Variants in GLI3 observed in about 807,000 individuals in gnomAD.
The protein encoded by GLI3 is GLI family zinc finger 3.
In GLI3, 20 loss-of-function variants were observed where a neutral mutation model predicts 100.8. The observed-to-expected ratio is 0.20, with a 90% CI of 0.14 to 0.29. GLI3 has a LOEUF of 0.29. Ranked by LOEUF, GLI3 falls within the 10% of genes least tolerant of loss-of-function variation. The pLI is 1.00. For missense variants in GLI3, 2,040 were observed against 2,128.5 expected (o/e 0.96, Z 0.82); for synonymous variants, 938 against 860.5 (o/e 1.09, Z -1.58).
At chr7:42,046,928 G>C (rs1297279212) in intron 5 of GLI3, among the ~76,000 whole-genome samples, 1 of 152,124 alleles carries the variant, frequency 6.6e-6, no homozygotes, top group Non-Finnish European at 1.5e-5. Flanking sequence ...GGTAGAGGTG[G>C]GTAGATCGCT....
chr7:42,117,585 C>T (rs1785891191), intron 3 of GLI3, among the ~76,000 whole-genome samples: 1 of 152,150 alleles, frequency 6.6e-6, no homozygotes, highest in Non-Finnish European at 1.5e-5. Context: ...GGAGAGAAGA[C>T]ATTGAGAACT....
intron 3 of GLI3, among the ~76,000 whole-genome samples, chr7:42,133,911 G>GT (rs1554332364): frequency 1.3e-5 from 2 of 151,870 alleles, no homozygotes; most frequent in Non-Finnish European, 2.9e-5. Flanking sequence ...GTGAAACACC[G>GT]TATCTACTAT....
intron 7 of GLI3, among the ~76,000 whole-genome samples, chr7:42,031,419 G>T (rs1436005869): frequency 6.6e-6 from 1 of 152,160 alleles, no homozygotes; most frequent in Non-Finnish European, 1.5e-5. Context: ...CTCCTGAGGT[G>T]AGTAAGTGTA....
intron 2 of GLI3, among the ~76,000 whole-genome samples, chr7:42,213,830 T>C (rs1205629908): frequency 6.6e-6 from 1 of 152,238 alleles, no homozygotes; most frequent in Non-Finnish European, 1.5e-5. Flanking sequence ...TCAACCTTAG[T>C]TGTGTCATAT....
intron 9 of GLI3, 137 bp from the exon 10 acceptor site, chr7:42,023,745 T>C: frequency 1.4e-6 from 1 of 720,636 alleles, no homozygotes; most frequent in Non-Finnish European, 2.4e-6. Context: ...AGTCAAACAA[T>C]AAAATCATAT....
chr7:42,084,120 T>C (rs1785052493), intron 3 of GLI3, among the ~76,000 whole-genome samples: 1 of 152,232 alleles, frequency 6.6e-6, no homozygotes, highest in South Asian at 2.1e-4. Context: ...ATCATTTCTT[T>C]TGTGTAAGCA....
At chr7:42,030,835 C>A (rs1789270921) in intron 7 of GLI3, among the ~76,000 whole-genome samples, 1 of 151,984 alleles carries the variant, frequency 6.6e-6, no homozygotes, top group African/African-American at 2.4e-5. Flanking sequence ...TCTCCTGCCT[C>A]AGCCTCCCGA....
intron 1 of GLI3, among the ~76,000 whole-genome samples, chr7:42,228,080 G>A (rs914036761): frequency 7.2e-5 from 11 of 152,148 alleles, no homozygotes; most frequent in Non-Finnish European, 2.9e-5. Context: ...CCCAGGCCGC[G>A]GCGGCGGCGC....
chr7:42,153,418 T>A (rs1168172854), intron 2 of GLI3, among the ~76,000 whole-genome samples: 2 of 152,160 alleles, frequency 1.3e-5, no homozygotes, highest in Non-Finnish European at 2.9e-5. Flanking sequence ...GGATATAAGA[T>A]AAGCATTCTA....
intron 3 of GLI3, among the ~76,000 whole-genome samples, chr7:42,085,538 T>G (rs1785086390): frequency 6.6e-6 from 1 of 152,142 alleles, no homozygotes; most frequent in African/African-American, 2.4e-5. Flanking sequence ...AAGGGAAAAT[T>G]TTATTATCCA....
intron 2 of GLI3, among the ~76,000 whole-genome samples, chr7:42,163,163 C>T (rs1047596477): frequency 5.9e-5 from 9 of 151,946 alleles, no homozygotes; most frequent in African/African-American, 1.2e-4. Flanking sequence ...TCATAAATTA[C>T]TCAGACTCAA....
At chr7:41,999,068 GATGA>G (rs1161086452) in intron 10 of GLI3, among the ~76,000 whole-genome samples, 2 of 152,198 alleles carry the variant, frequency 1.3e-5, no homozygotes, top group Non-Finnish European at 2.9e-5. Context: ...GGATTATTCA[GATGA>G]ATGGAGTTTC....
At chr7:42,114,771 G>A (rs56255514) in intron 3 of GLI3, among the ~76,000 whole-genome samples, 16,100 of 150,952 alleles carry the variant, frequency 0.11, 927 homozygotes, top group African/African-American at 0.16. Flanking sequence ...GTGTGATCTC[G>A]GCTCACTGCA....
intron 2 of GLI3, among the ~76,000 whole-genome samples, chr7:42,156,712 G>A (rs1383239633): frequency 2.0e-5 from 3 of 152,230 alleles, no homozygotes; most frequent in East Asian, 3.9e-4. Context: ...TGTGTGGCCA[G>A]AGGACTTACA....
In GLI3 at chr7:41,964,364, G is replaced by T. The variant is rs41305933; in HGVS notation, c.4709C>A (p.Ala1570Glu). The part of the protein sequence containing the change: ...GDMSSLLTSL[A>E]EESKFLAVMQ ...AACTGCAAGGAATTTGCTTTCTTCC[G>T]CTAGGGAGGTCAGCAAAGAACTCAT... The change falls in exon 15 of 15, where the codon GCG (alanine) becomes GAG (glutamate). Residue 1570 changes from alanine to glutamate, a missense_variant. Around this residue, in one of 5 missense-constraint regions of GLI3, gnomAD observed 1,041 missense variants for 924.0 expected, o/e 1.13. Coordinates refer to ENST00000395925, the MANE Select transcript of GLI3 (RefSeq NM_000168.6). The T allele has an allele frequency of 6.2e-7, 1 of 1,613,946 alleles. No homozygotes were observed. The highest frequency in any genetic ancestry group is 1.3e-5 in the African/African-American group (1 of 75,020).
At chr7:42,015,429 G>C (rs564575170) in intron 10 of GLI3, among the ~76,000 whole-genome samples, 1 of 152,154 alleles carries the variant, frequency 6.6e-6, no homozygotes, top group African/African-American at 2.4e-5. Flanking sequence ...CTCCATGGTA[G>C]TATTTGGCTA....
chr7:42,152,836 A>G (rs1281880360), intron 2 of GLI3, among the ~76,000 whole-genome samples: 1 of 152,230 alleles, frequency 6.6e-6, no homozygotes, highest in Admixed American at 6.5e-5. Flanking sequence ...TGCCACTAGC[A>G]GGATTGTACA....
chr7:42,083,684 A>C (rs901736467), intron 3 of GLI3, among the ~76,000 whole-genome samples: 1 of 152,196 alleles, frequency 6.6e-6, no homozygotes, highest in African/African-American at 2.4e-5. Context: ...AAAAAATATC[A>C]ATTTTTTATT....
At chr7:42,085,288 G>A (rs575623650) in intron 3 of GLI3, among the ~76,000 whole-genome samples, 1 of 152,272 alleles carries the variant, frequency 6.6e-6, no homozygotes, top group East Asian at 1.9e-4. Context: ...CAAAGGGGAG[G>A]TTTGGAAGTT....
Sources: gnomAD v4.1 joint callset for allele counts (sites outside exome capture counted in the v4.1 genomes callset) on GRCh38, gnomAD v4.1.1 for gene constraint, gnomAD v4.1.1 regional missense constraint, MANE v1.5 for transcripts, NCBI Gene and HGNC (gene_info 2026-07-23, HGNC 2026-07-21) for gene names.